The following ABCA12 variants were observed in gnomAD, a reference collection of about 807,000 sequenced individuals.
The protein encoded by ABCA12 is glucosylceramide transporter ABCA12.
ABCA12 carries 156 observed loss-of-function variants against 293.5 expected under a neutral mutation model. The observed-to-expected ratio is 0.53, with a 90% CI of 0.47 to 0.61. The LOEUF is 0.61. ABCA12 is among the 20% of genes least tolerant of loss of function. The probability of loss-of-function intolerance (pLI) is 0.00; values close to 1 mark genes in which losing one functional copy is unlikely to be tolerated. For missense variants in ABCA12, 2,797 were observed against 3,090.2 expected, an observed-to-expected ratio of 0.91 and a Z score of 2.25; for synonymous variants, 1,063 against 1,108.0, an observed-to-expected ratio of 0.96 and a Z score of 0.81.
chr2:215,062,175 T>C (rs1470866054), intron 3 of ABCA12, among the ~76,000 whole-genome samples: 1 of 152,010 alleles, frequency 6.6e-6, no homozygotes, highest in African/African-American at 2.4e-5. Context: ...TATCTCCTAT[T>C]ATTGTTATTG....
In ABCA12 at chr2:214,951,018, C is replaced by A; in HGVS notation, c.6713G>T (p.Arg2238Leu). ...RETIDEDEDV[R>L]AERLRVESGA... Reference sequence around the variant, plus strand: ...ACTCTCAACTCTTAATCTCTCAGCCCGCACATCTTCATCCTCATCTATTGT... The same window carrying A: ...ACTCTCAACTCTTAATCTCTCAGCCAGCACATCTTCATCCTCATCTATTGT... The change falls in exon 45 of 53, where the codon CGG (arginine) becomes CTG (leucine). Residue 2238 changes from arginine to leucine, a missense_variant. This residue lies in a region of ABCA12 where 2,130 missense variants were observed against 2,427.0 expected (regional missense o/e 0.88). Coordinates refer to ENST00000272895, the MANE Select transcript of ABCA12 (RefSeq NM_173076.3). The A allele has an allele frequency of 6.2e-7, 1 of 1,614,086 alleles. No homozygotes were observed. Among genetic ancestry groups the A allele is most frequent in the South Asian group, 1.1e-5 (1 of 91,074 alleles).
chr2:215,028,638 T>C (rs1278656761), intron 9 of ABCA12, among the ~76,000 whole-genome samples: 10 of 152,224 alleles, frequency 6.6e-5, no homozygotes, highest in Non-Finnish European at 1.5e-4. Flanking sequence ...TTTTCTGTCC[T>C]AAATAAAATA....
intron 44 of ABCA12, among the ~76,000 whole-genome samples, chr2:214,952,788 CAT>C (rs1380482312): frequency 6.6e-6 from 1 of 152,216 alleles, no homozygotes; most frequent in Non-Finnish European, 1.5e-5. Context: ...CTCCCAACCA[CAT>C]GTTAAACTGT....
Position 214,954,077 on chromosome 2 carries a change from G to A in ABCA12, c.6424C>T (p.Arg2142Cys), listed in dbSNP as rs758122196. ...TLELISETLK[R>C]IFLIFPQFCF... The stretch of plus-strand genomic sequence containing the variant: ...AATTGTGGGAAAATCAGGAAAATGC[G>A]CTTGAGGGTTTCAGAAATAAGTTCT... Residue 2142 changes from arginine (R) to cysteine (C), a missense_variant, in exon 44 of 53, where the codon CGC (arginine) becomes TGC (cysteine). Arg to Cys is a radical substitution (Grantham distance 180). Coordinates refer to ENST00000272895, the MANE Select transcript of ABCA12 (RefSeq NM_173076.3). The A allele has an allele frequency of 1.9e-5, 31 of 1,613,872 alleles. No individual in the cohort carries two copies. Among genetic ancestry groups the A allele is most frequent in the African/African-American group, 8.0e-5 (6 of 75,008 alleles).
intron 14 of ABCA12, among the ~76,000 whole-genome samples, chr2:215,016,582 C>CAAAAAA (rs71041981): frequency 0.18 from 5,346 of 29,924 alleles, 1,810 homozygotes; most frequent in Non-Finnish European, 0.25. Context: ...GACTCTGTCT[C>CAAAAAA]AAAAAAAAAA....
At chr2:215,076,050 A>G (rs1045415097) in intron 2 of ABCA12, among the ~76,000 whole-genome samples, 9 of 152,216 alleles carry the variant, frequency 5.9e-5, no homozygotes, top group African/African-American at 2.2e-4. Context: ...GATACTTGTG[A>G]CAGCCCACCA....
At chr2:215,134,183 T>C (rs1312854261) in intron 1 of ABCA12, among the ~76,000 whole-genome samples, 3 of 151,418 alleles carry the variant, frequency 2.0e-5, no homozygotes, top group Non-Finnish European at 4.4e-5. Flanking sequence ...GTTTCTCGGA[T>C]TGTATAGCTG....
intron 2 of ABCA12, among the ~76,000 whole-genome samples, chr2:215,099,555 C>T (rs2970959): frequency 0.96 from 145,949 of 152,222 alleles, 70,254 homozygotes; most frequent in East Asian, 1. Context: ...TAGCTGGGCA[C>T]GGTGGCGTAT....
chr2:215,045,329 T>C (rs1701180217), intron 7 of ABCA12, among the ~76,000 whole-genome samples: 2 of 152,182 alleles, frequency 1.3e-5, no homozygotes, highest in South Asian at 4.1e-4. Flanking sequence ...CTAACTGATA[T>C]GCAGGCTTGG....
chr2:215,066,737 A>C (rs1326842244), intron 2 of ABCA12, among the ~76,000 whole-genome samples: 1 of 152,132 alleles, frequency 6.6e-6, no homozygotes, highest in Non-Finnish European at 1.5e-5. Flanking sequence ...GCAAATGAGG[A>C]ATTGATTCAG....
intron 1 of ABCA12, among the ~76,000 whole-genome samples, chr2:215,136,424 A>G (rs1020735338): frequency 2.6e-5 from 4 of 152,228 alleles, no homozygotes; most frequent in Admixed American, 1.3e-4. Flanking sequence ...AAATTTCTCA[A>G]TGAAAAACAA....
At chr2:215,071,674 A>T (rs529962913) in intron 2 of ABCA12, among the ~76,000 whole-genome samples, 1 of 152,296 alleles carries the variant, frequency 6.6e-6, no homozygotes, top group Non-Finnish European at 1.5e-5. Context: ...CACAGGGAAG[A>T]TCAATTAGGC....
chr2:215,111,499 CA>C (rs1375863575), intron 2 of ABCA12, 97 bp downstream of exon 2: 26 of 947,304 alleles, frequency 2.7e-5, no homozygotes, highest in Non-Finnish European at 3.7e-5. Flanking sequence ...AAACACTATA[CA>C]AAAAAAAATT....
intron 27 of ABCA12, among the ~76,000 whole-genome samples, chr2:214,987,300 A>T (rs1699809356): frequency 1.3e-5 from 2 of 152,124 alleles, no homozygotes; most frequent in African/African-American, 4.8e-5. Flanking sequence ...AATTACTCAA[A>T]CTTGTTACTT....
At chr2:215,072,812 C>G (rs1188550335) in intron 2 of ABCA12, among the ~76,000 whole-genome samples, 1 of 152,162 alleles carries the variant, frequency 6.6e-6, no homozygotes, top group South Asian at 2.1e-4. Flanking sequence ...ATGTTGAGTT[C>G]TTCGCCAGGC....
chr2:215,044,551 G>T (rs564063484), intron 7 of ABCA12: 1 of 152,054 alleles, frequency 6.6e-6, no homozygotes, highest in Non-Finnish European at 1.5e-5. Flanking sequence ...ATAAAATGAG[G>T]GTTAACATAG....
At chr2:215,063,523 T>C (rs1365833554) in intron 3 of ABCA12, among the ~76,000 whole-genome samples, 1 of 152,048 alleles carries the variant, frequency 6.6e-6, no homozygotes, top group Non-Finnish European at 1.5e-5. Context: ...CTTCACCTGC[T>C]CCTTACACCA....
intron 13 of ABCA12, among the ~76,000 whole-genome samples, chr2:215,019,013 A>C (rs867800119): frequency 6.6e-6 from 1 of 152,224 alleles, no homozygotes; most frequent in Non-Finnish European, 1.5e-5. Flanking sequence ...TCACAGAAGC[A>C]AGTAAATTTC....
chr2:215,089,525 G>T (rs932713033), intron 2 of ABCA12, among the ~76,000 whole-genome samples: 1 of 152,186 alleles, frequency 6.6e-6, no homozygotes, highest in African/African-American at 2.4e-5. Flanking sequence ...TACTACTGCA[G>T]GGAGCAGAAT....
Sources: allele counts gnomAD v4.1 joint callset (sites outside exome capture counted in the v4.1 genomes callset), GRCh38; gene constraint gnomAD v4.1.1; regional missense constraint gnomAD v4.1.1; transcripts MANE v1.5; gene names NCBI Gene and HGNC (gene_info 2026-07-23, HGNC 2026-07-21).